The following ZAN variants were observed in gnomAD, a reference collection of about 807,000 sequenced individuals.
The protein encoded by ZAN is zonadhesin (gene/pseudogene).
Under a neutral mutation model 286.2 loss-of-function variants are expected in ZAN, and 260 were observed. That is an observed-to-expected ratio of 0.91 (90% confidence interval 0.82 to 1.01). The LOEUF (loss-of-function observed/expected upper bound fraction) is 1.01, where lower values mean the gene tolerates loss of function less well. Ranked by LOEUF, ZAN falls within the 50% of genes least tolerant of loss-of-function variation. The pLI is 0.00. For synonymous variants in ZAN, 1,368 were observed against 1,417.5 expected (o/e 0.97, Z 0.79); for missense variants, 3,410 against 3,639.2 (o/e 0.94, Z 1.62).
intron 28 of ZAN, 129 bp downstream of exon 28, chr7:100,770,103 C>G (rs1438164365): frequency 3.6e-6 from 3 of 839,054 alleles, no homozygotes; most frequent in Non-Finnish European, 5.5e-6. Flanking sequence ...CAAATGGGAA[C>G]ACAGGGCCAG....
rs575803769 is a variant in ZAN, at chr7:100,778,748, T to C, written c.6318-698T>C. Among the ~76,000 whole-genome samples the C allele has an allele frequency of 7.9e-5, 12 of 151,862 alleles. No individual in the cohort carries two copies. The South Asian group carries it at 1.7e-3, about 21-fold the overall frequency. ...ATTTGGGAGCACCAGATCATTGTCA[T>C]AGGGCCAGGCGTGGTGGCTCAGGCC... is the stretch of plus-strand genomic sequence containing the variant. On this transcript the variant is annotated intron_variant, in intron 34 of 47. Coordinates refer to ENST00000613979, the MANE Select transcript of ZAN (RefSeq NM_003386.3).
rs200877803 is a variant in ZAN, at chr7:100,752,011, C to A, written c.1906C>A (p.Pro636Thr). The A allele has an allele frequency of 5.8e-4, 934 of 1,611,940 alleles. 1 individual carries two copies. The highest frequency in any genetic ancestry group is 7.6e-4 in the Non-Finnish European group (896 of 1,179,384). The change falls in exon 14 of 48, where the codon CCC (proline) becomes ACC (threonine). Residue 636 changes from proline to threonine, a missense_variant. Pro to Thr is a conservative substitution (Grantham distance 38, BLOSUM62 -1). Around this residue, in one of 7 missense-constraint regions of ZAN, gnomAD observed 872 missense variants for 938.9 expected, o/e 0.93. Transcript: ENST00000613979. ...CATCCTCACAGAAAAACCCACCATT[C>A]CCTCAGAAAAACCCACCATTCCCTC... is the stretch of plus-strand genomic sequence containing the variant. ...PTILTEKPTI[P>T]SEKPTIPSEK...
chr7:100,748,377 G>A lies in ZAN; in HGVS notation c.1156G>A (p.Val386Ile), dbSNP rs759782597. 2 of 1,613,968 alleles carry A rather than the reference G, an allele frequency of 1.2e-6. No individual in the cohort carries two copies. The highest frequency in any genetic ancestry group is 3.3e-5 in the Admixed American group (2 of 60,014). The change falls in exon 11 of 48, where the codon GTC becomes ATC. Residue 386 changes from valine (V) to isoleucine (I), a missense_variant. Physicochemically the swap from Val to Ile is conservative, Grantham distance 29. Coordinates refer to ENST00000613979, the MANE Select transcript of ZAN (RefSeq NM_003386.3). ...EDNAHPFCDW[V>I]QTSGDGGHWA... The stretch of plus-strand genomic sequence containing the variant: ...CAACGCCCATCCCTTCTGTGACTGG[G>A]TCCAGACTTCCGGGGATGGTGGACA...
chr7:100,755,281 G>T lies in ZAN; in HGVS notation c.3180G>T (p.Lys1060Asn), dbSNP rs779636891. The change falls in exon 15 of 48, where the codon AAG becomes AAT. Residue 1060 changes from lysine (K) to asparagine (N), a missense_variant. By Grantham distance (94) the Lys-to-Asn change is moderately conservative. Around this residue, in one of 7 missense-constraint regions of ZAN, gnomAD observed 1,042 missense variants for 1,058.0 expected, o/e 0.98. Transcript: ENST00000613979. ...YESCACPASC[K>N]SPRPSCGPLC... is the part of the protein sequence containing the mutation. ...CCTGTGCTTGTCCTGCTTCGTGCAA[G>T]AGCCCCAGGCCTAGCTGTGGGCCCC... is the stretch of plus-strand genomic sequence containing the variant. The T allele has an allele frequency of 6.2e-7, 1 of 1,613,862 alleles. No homozygotes were observed. The highest frequency in any genetic ancestry group is 2.2e-5 in the East Asian group (1 of 44,876).
rs781294409 is a variant in ZAN at position 100,746,632 on chromosome 7, C to A, written c.861C>A (p.Ser287Arg). 2.5e-6 allele frequency: 4 copies of A among 1,613,888 alleles called. No individual in the cohort carries two copies. In the African/African-American group the frequency reaches 4.0e-5, roughly 16 times the overall value. The stretch of plus-strand genomic sequence containing the variant: ...TGAGCCTGTCCTCTGGCTGTCTGAG[C>A]TTTTCCTTCCACTACATCCTCCGGG... ...SPVSLSSGCL[S>R]FSFHYILRGQ... The change falls in exon 8 of 48, where the codon AGC becomes AGA. Residue 287 changes from serine (S) to arginine (R), a missense_variant. Transcript: ENST00000613979.
intron 30 of ZAN, 95 bp downstream of exon 30, chr7:100,773,588 T>G: frequency 6.4e-7 from 1 of 1,551,626 alleles, no homozygotes; most frequent in South Asian, 1.2e-5. Context: ...GCTCAGAACC[T>G]GGGAGGGGCA....
chr7:100,760,390 G>C lies in ZAN; in HGVS notation c.3697-1G>C. On this transcript the variant is annotated splice_acceptor_variant, in intron 18 of 47. Coordinates refer to ENST00000613979, the MANE Select transcript of ZAN (RefSeq NM_003386.3). LOFTEE classifies it high-confidence loss of function. ...TCTCTTGCCTCTGCCCTGCCTTCCA[G>C]GTTGGGGGTCAGCAAGTTACTCTCC... 1 of 1,613,700 alleles carries C rather than the reference G, an allele frequency of 6.2e-7. No individual in the cohort carries two copies. Among genetic ancestry groups the C allele is most frequent in the South Asian group, 1.1e-5 (1 of 91,060 alleles).
At chr7:100,743,578 AAT>A (rs1215050241) in intron 7 of ZAN, among the ~76,000 whole-genome samples, 1 of 152,132 alleles carries the variant, frequency 6.6e-6, no homozygotes, top group African/African-American at 2.4e-5. Context: ...AATTTAAAAA[AAT>A]GTTTTTAAAA....
In ZAN at chr7:100,751,214, G is replaced by T. The variant is rs558114024; in HGVS notation, c.1554G>T (p.Thr518=). The T allele has an allele frequency of 1.2e-6, 2 of 1,609,908 alleles. No individual in the cohort carries two copies. Among genetic ancestry groups the T allele is most frequent in the African/African-American group, 2.7e-5 (2 of 74,864 alleles). ...LIFKGIQGSN[T]ASVVAMGFIL... ...TCAAGGGCATCCAGGGAAGCAACACGGCCTCTGTGGTTGCTATGGGTTTCA... is the reference window on the plus strand; with the variant it reads ...TCAAGGGCATCCAGGGAAGCAACACTGCCTCTGTGGTTGCTATGGGTTTCA... Residue 518 remains threonine, a synonymous_variant, in exon 13 of 48, where the codon ACG becomes ACT. Coordinates refer to ENST00000613979, the MANE Select transcript of ZAN (RefSeq NM_003386.3).
chr7:100,765,560 C>A lies in ZAN; in HGVS notation c.4470+6C>A, dbSNP rs377057276. 14 of 1,592,622 alleles carry A rather than the reference C, an allele frequency of 8.8e-6. No individual in the cohort carries two copies. The African/African-American group carries it at 1.9e-4, about 21-fold the overall frequency. Reference sequence around the variant, plus strand: ...CTGCAGGCAGCTACTTCAAGGTGAGCGGCTGCGTGGACCTCTCAGCCCTGC... The same window carrying A: ...CTGCAGGCAGCTACTTCAAGGTGAGAGGCTGCGTGGACCTCTCAGCCCTGC... On this transcript the variant is annotated splice_donor_region_variant and intron_variant, in intron 23 of 47. Coordinates refer to ENST00000613979, the MANE Select transcript of ZAN (RefSeq NM_003386.3).
intron 39 of ZAN, among the ~76,000 whole-genome samples, chr7:100,789,995 G>A (rs944841500): frequency 2.0e-5 from 3 of 151,376 alleles, no homozygotes; most frequent in African/African-American, 7.3e-5. Context: ...GTGCATGCCT[G>A]TAATCCCAGC....
intron 11 of ZAN, among the ~76,000 whole-genome samples, chr7:100,750,180 A>T (rs1289436188): frequency 6.7e-6 from 1 of 149,282 alleles, no homozygotes; most frequent in Non-Finnish European, 1.5e-5. Flanking sequence ...CTCTGTTGCC[A>T]GGCTGGAGTG....
chr7:100,759,377 GC>G (rs1809379312), intron 17 of ZAN, among the ~76,000 whole-genome samples: 1 of 152,214 alleles, frequency 6.6e-6, no homozygotes, highest in South Asian at 2.1e-4. Context: ...CTGCACTCCA[GC>G]CTGGGTAGCA....
chr7:100,792,228 T>C (rs1360214956), intron 41 of ZAN, 80 bp downstream of exon 41: 4 of 1,503,104 alleles, frequency 2.7e-6, no homozygotes, highest in East Asian at 2.4e-5. Context: ...GCCCGCTTCC[T>C]GACCCAAGCT....
At chr7:100,760,988 C>T (rs1235854730) in intron 19 of ZAN, among the ~76,000 whole-genome samples, 3 of 152,066 alleles carry the variant, frequency 2.0e-5, no homozygotes, top group South Asian at 2.1e-4. Flanking sequence ...CCTCTGCCTC[C>T]CAGGTTCAGC....
In ZAN at chr7:100,738,715, C is replaced by G. The variant is rs964755878; in HGVS notation, c.766+102C>G. Reference sequence around the variant, plus strand: ...GTCATGAACACCTACAGCTTCAAGCCTCTTACCAGCTCAAGTTTCACGCAA... The same window carrying G: ...GTCATGAACACCTACAGCTTCAAGCGTCTTACCAGCTCAAGTTTCACGCAA... On this transcript the variant is annotated intron_variant, in intron 7 of 47. Coordinates refer to ENST00000613979, the MANE Select transcript of ZAN (RefSeq NM_003386.3). 1.8e-5 allele frequency: 22 copies of G among 1,215,856 alleles called. 2 individuals carry two copies. The highest frequency in any genetic ancestry group is 2.4e-5 in the Non-Finnish European group (21 of 886,308). The allele number at this position is 1,215,856 out of a possible 1,614,324, so 75.3% of individuals were successfully genotyped here. A position where few individuals can be genotyped will look rare whatever the true frequency, so the allele number is the denominator to read the frequency against.
In ZAN at chr7:100,736,556, T is replaced by C. The variant is rs756146499; in HGVS notation, c.180T>C (p.Asp60=). Residue 60 remains aspartate, a synonymous_variant, in exon 4 of 48, where the codon GAT becomes GAC. Transcript: ENST00000613979. ...ACTGGTCCCAAGTGTCCGCAGACGATGAAGACTGGGTTCGAGCCAGTGGGC... is the reference window on the plus strand; with the variant it reads ...ACTGGTCCCAAGTGTCCGCAGACGACGAAGACTGGGTTCGAGCCAGTGGGC... ...LCDWSQVSAD[D]EDWVRASGPS... 22 of 1,523,456 alleles carry C rather than the reference T, an allele frequency of 1.4e-5. 2 individuals are homozygous for C. In the East Asian group the frequency reaches 2.7e-4, roughly 19 times the overall value. The allele number at this position is 1,523,456 out of a possible 1,614,324, so 94.4% of individuals were successfully genotyped here.
intron 37 of ZAN, among the ~76,000 whole-genome samples, chr7:100,787,155 C>T (rs1034561744): frequency 2.0e-5 from 3 of 151,518 alleles, no homozygotes; most frequent in East Asian, 1.9e-4. Context: ...GGCTTGGTGG[C>T]TTATGCCTGT....
intron 11 of ZAN, among the ~76,000 whole-genome samples, chr7:100,749,651 A>ATATATAT (rs1554399726): frequency 9.1e-6 from 1 of 109,440 alleles, no homozygotes; most frequent in Non-Finnish European, 1.8e-5. Flanking sequence ...AAAAAAAAAA[A>ATATATAT]ATATATATAT....
Sources: allele counts gnomAD v4.1 joint callset (sites outside exome capture counted in the v4.1 genomes callset), GRCh38; gene constraint gnomAD v4.1.1; regional missense constraint gnomAD v4.1.1; transcripts MANE v1.5; gene names NCBI Gene and HGNC (gene_info 2026-07-23, HGNC 2026-07-21).